FAM107B: variants seen among roughly 807,000 people sequenced by gnomAD.
FAM107B encodes the protein protein FAM107B.
Under a neutral mutation model 31.5 loss-of-function variants are expected in FAM107B, and 21 were observed. That is an observed-to-expected ratio of 0.67 (90% CI 0.47 to 0.96). The LOEUF is 0.96. Ranked by LOEUF, FAM107B falls within the 40% of genes least tolerant of loss-of-function variation. The pLI, the probability that FAM107B is intolerant of heterozygous loss-of-function variation, is 0.00. For missense variants in FAM107B, 452 were observed against 377.1 expected, an observed-to-expected ratio of 1.20 and a Z score of -1.64; for synonymous variants, 157 against 141.5, an observed-to-expected ratio of 1.11 and a Z score of -0.78.
chr10:14,710,241 T>C (rs2131536100), intron 1 of FAM107B, among the ~76,000 whole-genome samples: 1 of 152,008 alleles, frequency 6.6e-6, no homozygotes, highest in East Asian at 1.9e-4. Context: ...AATAATAAAG[T>C]CTATTCATTA....
chr10:14,658,712 C>T (rs1037276626), intron 2 of FAM107B, among the ~76,000 whole-genome samples: 1 of 152,164 alleles, frequency 6.6e-6, no homozygotes, highest in Admixed American at 6.5e-5. Flanking sequence ...CATCTACTTG[C>T]TTCAGCAAGT....
chr10:14,707,674 T>C (rs4748108), intron 1 of FAM107B, among the ~76,000 whole-genome samples: 39,429 of 152,116 alleles, frequency 0.26, 5,510 homozygotes, highest in South Asian at 0.4. Flanking sequence ...GCCACATGGC[T>C]GCCTTCAGTG....
intron 2 of FAM107B, among the ~76,000 whole-genome samples, chr10:14,603,233 T>A (rs1469341564): frequency 6.6e-6 from 1 of 152,140 alleles, no homozygotes; most frequent in Non-Finnish European, 1.5e-5. Flanking sequence ...CAGACACTAT[T>A]TCAACTTAAA....
chr10:14,660,921 C>G (rs1353068396), intron 2 of FAM107B, among the ~76,000 whole-genome samples: 2 of 152,124 alleles, frequency 1.3e-5, no homozygotes, highest in Non-Finnish European at 2.9e-5. Flanking sequence ...ATTGTAACCC[C>G]CAATGTTGGA....
At chr10:14,559,097 T>G (rs1206156128) in intron 2 of FAM107B, among the ~76,000 whole-genome samples, 2 of 106,682 alleles carry the variant, frequency 1.9e-5, no homozygotes, top group African/African-American at 6.5e-5. Context: ...CCTGTGGAAC[T>G]TCAAAAAAAA....
intron 2 of FAM107B, among the ~76,000 whole-genome samples, chr10:14,609,181 C>A (rs750351280): frequency 1.2e-4 from 19 of 152,212 alleles, no homozygotes; most frequent in Non-Finnish European, 2.2e-4. Context: ...GGTTCTAAAT[C>A]AGTGTTTTAG....
chr10:14,573,916 CA>C lies in FAM107B; in HGVS notation c.470-43402del, dbSNP rs549901262. ...GATACATGATATAAAAACAAACAAA[CA>C]AAAAAAAAAAACCACCCTAGGGCCC... On this transcript the variant is annotated intron_variant, in intron 2 of 4. Transcript: ENST00000181796. 4.1e-3 allele frequency among the ~76,000 whole-genome samples: 565 copies of C among 137,294 alleles called. 6 individuals carry two copies. Among genetic ancestry groups the C allele is most frequent in the African/African-American group, 0.013 (478 of 37,586 alleles). 90.1% of individuals were successfully genotyped at this position (137,294 alleles called of 152,430 possible). A position where few individuals can be genotyped will look rare whatever the true frequency, so the allele number is the denominator to read the frequency against.
chr10:14,553,308 T>C (rs1187797607), intron 2 of FAM107B: 1 of 1,243,156 alleles, frequency 8.0e-7, no homozygotes, highest in Non-Finnish European at 1.0e-6. Context: ...GACAGTAAAT[T>C]TCCCCACACT....
intron 1 of FAM107B, among the ~76,000 whole-genome samples, chr10:14,731,565 A>T (rs1341516492): frequency 6.6e-6 from 1 of 152,182 alleles, no homozygotes; most frequent in East Asian, 1.9e-4. Context: ...CCATCTCAAA[A>T]AATAAATCAA....
At position 14,595,422 on chromosome 10, in the gene FAM107B, C is replaced by CTTTTTT. The variant is rs35540585; in HGVS notation, c.470-64913_470-64908dup. Among the ~76,000 whole-genome samples the CTTTTTT allele has an allele frequency of 7.2e-4, 71 of 98,118 alleles. 5 individuals carry two copies. Among genetic ancestry groups the CTTTTTT allele is most frequent in the Non-Finnish European group, 8.8e-4 (45 of 51,212 alleles). 64.4% of individuals were successfully genotyped at this position (98,118 alleles called of 152,430 possible). ...TGGCTCAGCTTCTTCCTAGGGCAAC[C>CTTTTTT]TTTTTTTTTTTTTTTTTTTTTGAGA... On this transcript the variant is annotated intron_variant, in intron 2 of 4. Transcript: ENST00000181796.
At position 14,537,970 on chromosome 10, in the gene FAM107B, G is replaced by A. The variant is rs373009069; in HGVS notation, c.470-7455C>T. Among the ~76,000 whole-genome samples, 58 of 152,280 alleles carry A rather than the reference G, an allele frequency of 3.8e-4. 1 individual carries two copies. The South Asian group carries it at 0.012, about 32-fold the overall frequency. On this transcript the variant is annotated intron_variant, in intron 2 of 4. Coordinates refer to ENST00000181796, the MANE Select transcript of FAM107B (RefSeq NM_031453.4). The stretch of plus-strand genomic sequence containing the variant: ...AATTAGTAACAATAATGCTGTCACT[G>A]CTGCCCAAGGTTACCAAGCTGCTTA...
chr10:14,522,157 C>CAACA, intron 3 of FAM107B, 138 bp from the exon 4 acceptor site: 1 of 1,096,864 alleles, frequency 9.1e-7, no homozygotes, highest in Non-Finnish European at 1.3e-6. Context: ...CTACAGCAGG[C>CAACA]AACATGGTGA....
intron 2 of FAM107B, among the ~76,000 whole-genome samples, chr10:14,560,598 G>C (rs148093472): frequency 1.3e-5 from 2 of 152,134 alleles, no homozygotes; most frequent in African/African-American, 4.8e-5. Context: ...TGGAAGGCTC[G>C]GAAGTCAGAC....
At chr10:14,741,174 C>T (rs1287826319) in intron 1 of FAM107B, among the ~76,000 whole-genome samples, 1 of 152,038 alleles carries the variant, frequency 6.6e-6, no homozygotes, top group Non-Finnish European at 1.5e-5. Flanking sequence ...GGGGCAGGAA[C>T]CTGGGCTACA....
intron 1 of FAM107B, among the ~76,000 whole-genome samples, chr10:14,741,036 A>C (rs1237461128): frequency 6.6e-6 from 1 of 152,152 alleles, no homozygotes; most frequent in East Asian, 1.9e-4. Flanking sequence ...CCCTGAGAAC[A>C]GTCAACAGGT....
Position 14,759,131 on chromosome 10 carries a change from C to T in FAM107B, c.411+15122G>A, listed in dbSNP as rs190475478. On this transcript the variant is annotated intron_variant, in intron 1 of 4. Transcript: ENST00000181796. Reference sequence around the variant, plus strand: ...GGTGGAGGTTGCAGTGAGCCGAGATCGCACCACTGCACTTCCAGCCTGGGC... The same window carrying T: ...GGTGGAGGTTGCAGTGAGCCGAGATTGCACCACTGCACTTCCAGCCTGGGC... Among the ~76,000 whole-genome samples, 43 of 150,904 alleles carry T rather than the reference C, an allele frequency of 2.8e-4. No individual in the cohort carries two copies. The East Asian group carries it at 6.9e-3, about 24-fold the overall frequency.
intron 2 of FAM107B, among the ~76,000 whole-genome samples, chr10:14,588,203 C>G (rs935322312): frequency 6.6e-6 from 1 of 152,004 alleles, no homozygotes. Context: ...ATGCTCCAGG[C>G]TGTGCGTGCA....
chr10:14,694,424 C>T (rs1346742722), intron 1 of FAM107B, among the ~76,000 whole-genome samples: 2 of 152,144 alleles, frequency 1.3e-5, no homozygotes, highest in African/African-American at 4.8e-5. Context: ...GCTCTTGTTG[C>T]CCAGGCTGGA....
At chr10:14,632,931 G>A (rs184427944) in intron 2 of FAM107B, among the ~76,000 whole-genome samples, 173 of 152,198 alleles carry the variant, frequency 1.1e-3, no homozygotes, top group African/African-American at 3.9e-3. Context: ...AGGCACAGTG[G>A]CTCACACCTG....
Sources: gnomAD v4.1 joint callset for allele counts (sites outside exome capture counted in the v4.1 genomes callset) on GRCh38, gnomAD v4.1.1 for gene constraint, MANE v1.5 for transcripts, NCBI Gene and HGNC (gene_info 2026-07-23, HGNC 2026-07-21) for gene names.